Variants in ERN1 observed in about 807,000 individuals in gnomAD.
The protein encoded by ERN1 is serine/threonine-protein kinase/endoribonuclease IRE1.
Under a neutral mutation model 113.1 loss-of-function variants are expected in ERN1, and 39 were observed. The ratio of observed to expected loss-of-function variants is 0.34; its 90% confidence interval spans 0.27 to 0.45. ERN1 has a LOEUF of 0.45. ERN1 is among the 20% of genes least tolerant of loss of function. The probability of loss-of-function intolerance (pLI) is 1.00; values close to 1 mark genes in which losing one functional copy is unlikely to be tolerated. For synonymous variants in ERN1, 507 were observed against 515.9 expected, an observed-to-expected ratio of 0.98 and a Z score of 0.23; for missense variants, 976 against 1,274.8, an observed-to-expected ratio of 0.77 and a Z score of 3.57.
In ERN1 at chr17:64,054,898, T is replaced by C. The variant is rs960748990; in HGVS notation, c.1673-70A>G. 6 of 1,176,912 alleles carry C rather than the reference T, an allele frequency of 5.1e-6. No individual in the cohort carries two copies. In the East Asian group the frequency reaches 1.0e-4, roughly 20 times the overall value. The allele number at this position is 1,176,912 out of a possible 1,614,324, so 72.9% of individuals were successfully genotyped here. On this transcript the variant is annotated intron_variant, in intron 13 of 21. Coordinates refer to ENST00000433197, the MANE Select transcript of ERN1 (RefSeq NM_001433.5). This position sits in a 1 kb window ranked among gnomAD's most constrained non-coding sequence, Gnocchi z 4.9. ...CTAAAGAACCTTGAGGTTAACATAG[T>C]GACAAGCTTCCTGACCTCAGATTAA...
intron 10 of ERN1, among the ~76,000 whole-genome samples, chr17:64,062,013 C>T (rs144850399): frequency 2.6e-5 from 4 of 152,344 alleles, no homozygotes; most frequent in African/African-American, 4.8e-5. Context: ...ACTGATATCA[C>T]GCTGTACACA....
intron 6 of ERN1, among the ~76,000 whole-genome samples, chr17:64,071,689 T>C (rs1282462827): frequency 6.6e-6 from 1 of 152,140 alleles, no homozygotes; most frequent in Non-Finnish European, 1.5e-5. Flanking sequence ...CCCAAAGTAC[T>C]GGAATTACAG....
chr17:64,098,314 C>T lies in ERN1; in HGVS notation c.55-73G>A, dbSNP rs569146721. The T allele has an allele frequency of 4.5e-6, 7 of 1,561,088 alleles. No individual in the cohort carries two copies. The African/African-American group carries it at 5.4e-5, about 12-fold the overall frequency. On this transcript the variant is annotated intron_variant, in intron 1 of 21. Coordinates refer to ENST00000433197, the MANE Select transcript of ERN1 (RefSeq NM_001433.5). ...TTGGGCATGTACAATCACAGACCCC[C>T]CACTCCCAAGGTTATCCTACTAAAA... is the stretch of plus-strand genomic sequence containing the variant.
At chr17:64,046,704 T>C (rs1040958060) in intron 19 of ERN1, among the ~76,000 whole-genome samples, 3 of 152,174 alleles carry the variant, frequency 2.0e-5, no homozygotes, top group African/African-American at 7.2e-5. Flanking sequence ...TCTGGGGGCT[T>C]CCCTCTGGCC....
At chr17:64,051,143 C>T (rs930610500) in intron 17 of ERN1, among the ~76,000 whole-genome samples, 2 of 127,418 alleles carry the variant, frequency 1.6e-5, no homozygotes, top group African/African-American at 5.0e-5. Flanking sequence ...AATCCTTGAG[C>T]CCATAGCGAT....
rs552841043 is a variant in ERN1 at position 64,077,576 on chromosome 17, T to A, written c.282+2086A>T. On this transcript the variant is annotated intron_variant, in intron 4 of 21. Coordinates refer to ENST00000433197, the MANE Select transcript of ERN1 (RefSeq NM_001433.5). ...TTTTGCTCAACATCACGCTTGTGAG[T>A]CATCCGCGGCGTGTGTCGTCATAGA... is the stretch of plus-strand genomic sequence containing the variant. 2.0e-5 allele frequency among the ~76,000 whole-genome samples: 3 copies of A among 152,218 alleles called. No homozygotes were observed. The East Asian group carries it at 5.8e-4, about 29-fold the overall frequency.
rs1912399594 is a variant in ERN1, at chr17:64,043,336, CAG to C, written c.*650_*651del. 6.5e-6 allele frequency: 1 copy of C among 152,732 alleles called. No homozygotes were observed. Among genetic ancestry groups the C allele is most frequent in the Non-Finnish European group, 1.5e-5 (1 of 68,354 alleles). The allele number at this position is 152,732 out of a possible 1,614,324, so 9.5% of individuals were successfully genotyped here. Reference sequence around the variant, plus strand: ...GCAGCCTCTTCATTTCTGAGACCTGCAGACACAACCCCACCTGCCAGCATGCA... The same window carrying C: ...GCAGCCTCTTCATTTCTGAGACCTGCACACAACCCCACCTGCCAGCATGCA... On this transcript the variant is annotated 3_prime_UTR_variant, in exon 22 of 22. Coordinates refer to ENST00000433197, the MANE Select transcript of ERN1 (RefSeq NM_001433.5).
chr17:64,123,745 A>C (rs1915009845), intron 1 of ERN1, among the ~76,000 whole-genome samples: 1 of 152,208 alleles, frequency 6.6e-6, no homozygotes, highest in Non-Finnish European at 1.5e-5. Flanking sequence ...CATTGTTATA[A>C]TTTTTATAAT....
chr17:64,128,801 G>C (rs780552338), intron 1 of ERN1: 12 of 151,362 alleles, frequency 7.9e-5, no homozygotes, highest in Non-Finnish European at 1.6e-4. Context: ...AAAAAACCCT[G>C]AATTTGAAAA....
Position 64,044,250 on chromosome 17 carries a change from G to A in ERN1, c.2722-50C>T, listed in dbSNP as rs149591631. The A allele has an allele frequency of 2.0e-4, 265 of 1,299,144 alleles. No homozygotes were observed. The African/African-American group carries it at 3.3e-3, about 16-fold the overall frequency. 80.5% of individuals were successfully genotyped at this position (1,299,144 alleles called of 1,614,324 possible). A position where few individuals can be genotyped will look rare whatever the true frequency, so the allele number is the denominator to read the frequency against. ...AGATTAGAAAGGGGTTAGAAAGCTC[G>A]GGAAATGTTGGCAAAACACCCTTTC... is the stretch of plus-strand genomic sequence containing the variant. On this transcript the variant is annotated intron_variant, in intron 21 of 21. Coordinates refer to ENST00000433197, the MANE Select transcript of ERN1 (RefSeq NM_001433.5). This position sits in a 1 kb window ranked among gnomAD's most constrained non-coding sequence, Gnocchi z 4.1.
Position 64,064,116 on chromosome 17 carries a change from G to A in ERN1, c.957C>T (p.Pro319=), listed in dbSNP as rs1488991522. 6.8e-6 allele frequency: 11 copies of A among 1,608,820 alleles called. No homozygotes were observed. The highest frequency in any genetic ancestry group is 9.3e-6 in the Non-Finnish European group (11 of 1,177,396). Residue 319 remains proline, a synonymous_variant, in exon 10 of 22, where the codon CCC becomes CCT. Coordinates refer to ENST00000433197, the MANE Select transcript of ERN1 (RefSeq NM_001433.5). ...CCCCAATGGTGACGCCATCAGTCTGGGGCCCTTCCAGCAAAGGAAGTGTGC... is the reference window on the plus strand; with the variant it reads ...CCCCAATGGTGACGCCATCAGTCTGAGGCCCTTCCAGCAAAGGAAGTGTGC... The part of the protein sequence containing the change: ...RGSTLPLLEG[P]QTDGVTIGDK...
At chr17:64,055,189 C>A (rs951774006) in intron 13 of ERN1, among the ~76,000 whole-genome samples, 1 of 152,200 alleles carries the variant, frequency 6.6e-6, no homozygotes, top group Non-Finnish European at 1.5e-5. Flanking sequence ...TGTAAAGATC[C>A]GCACTGAAGC....
chr17:64,043,388 A>G lies in ERN1; in HGVS notation c.*600T>C, dbSNP rs196910. ...ATAGCTGACCAGTCCCTAATGCCAC[A>G]CCTCATGCTCATGGCTCCTGCTGCC... On this transcript the variant is annotated 3_prime_UTR_variant, in exon 22 of 22. Coordinates refer to ENST00000433197, the MANE Select transcript of ERN1 (RefSeq NM_001433.5). 147,261 of 153,074 alleles carry G rather than the reference A, an allele frequency of 0.96. 71,111 individuals are homozygous for G. Among genetic ancestry groups the G allele is most frequent in the East Asian group, 1 (5,332 of 5,332 alleles). The allele number at this position is 153,074 out of a possible 1,614,324, so 9.5% of individuals were successfully genotyped here.
chr17:64,107,965 T>C (rs1026315473), intron 1 of ERN1, among the ~76,000 whole-genome samples: 9 of 152,236 alleles, frequency 5.9e-5, no homozygotes, highest in African/African-American at 2.2e-4. Context: ...TGTTTCCTGA[T>C]ATTAAGTCAA....
In ERN1 at chr17:64,090,183, T is replaced by A. The variant is rs544687042; in HGVS notation, c.175+7938A>T. ...CTTTCATGAGGAAAGCATTTTTTTT[T>A]AAAGACATCTAATCAAAAGCTCCTC... On this transcript the variant is annotated intron_variant, in intron 2 of 21. Transcript: ENST00000433197. 6.2e-4 allele frequency among the ~76,000 whole-genome samples: 94 copies of A among 152,088 alleles called. 1 individual carries two copies. In the South Asian group the frequency reaches 0.018, roughly 29 times the overall value.
intron 1 of ERN1, among the ~76,000 whole-genome samples, chr17:64,109,430 A>T (rs2143478556): frequency 6.6e-6 from 1 of 152,308 alleles, no homozygotes; most frequent in South Asian, 2.1e-4. Context: ...GTACTATGAA[A>T]TACACCCCGA....
chr17:64,122,192 G>T (rs62073088), intron 1 of ERN1, among the ~76,000 whole-genome samples: 9,214 of 152,252 alleles, frequency 0.061, 285 homozygotes, highest in Non-Finnish European at 0.072. Flanking sequence ...ACTCACACAT[G>T]ACCCTGGACA....
At chr17:64,055,291 C>T (rs1315832781) in intron 13 of ERN1, among the ~76,000 whole-genome samples, 1 of 152,220 alleles carries the variant, frequency 6.6e-6, no homozygotes, top group Non-Finnish European at 1.5e-5. Flanking sequence ...CCAGTTCCCT[C>T]AGAATTGGGG....
At chr17:64,062,850 G>T (rs1913096701) in intron 10 of ERN1, among the ~76,000 whole-genome samples, 1 of 151,812 alleles carries the variant, frequency 6.6e-6, no homozygotes, top group South Asian at 2.1e-4. Flanking sequence ...CCCGTTATTT[G>T]GTAAAAATAA....
Sources: gnomAD v4.1 joint callset for allele counts (sites outside exome capture counted in the v4.1 genomes callset) on GRCh38, gnomAD v4.1.1 for gene constraint, Gnocchi (gnomAD v3.1) non-coding constraint, MANE v1.5 for transcripts, NCBI Gene and HGNC (gene_info 2026-07-23, HGNC 2026-07-21) for gene names.